DIAPH1: variants seen among roughly 807,000 people sequenced by gnomAD.
The protein encoded by DIAPH1 is diaphanous related formin 1.
In DIAPH1, 46 loss-of-function variants were observed where a neutral mutation model predicts 140.7. The observed-to-expected ratio is 0.33, with a 90% confidence interval of 0.26 to 0.42. The LOEUF is 0.42. Among genes scored for constraint, DIAPH1 ranks in the 10% least tolerant of loss-of-function variants. The pLI, the probability that DIAPH1 is intolerant of heterozygous loss-of-function variation, is 1.00. For synonymous variants in DIAPH1, 565 were observed against 551.6 expected (o/e 1.02, Z -0.34); for missense variants, 1,310 against 1,558.7 (o/e 0.84, Z 2.69).
chr5:141,552,193 GTTT>G (rs199775030), intron 18 of DIAPH1, among the ~76,000 whole-genome samples: 1 of 143,422 alleles, frequency 7.0e-6, no homozygotes, highest in South Asian at 2.2e-4. Context: ...TGTTTTTGTT[GTTT>G]TTTTTTTTTT....
chr5:141,560,244 A>G (rs1208634501), intron 18 of DIAPH1, among the ~76,000 whole-genome samples: 1 of 152,198 alleles, frequency 6.6e-6, no homozygotes, highest in Non-Finnish European at 1.5e-5. Flanking sequence ...TATTTGTTGA[A>G]GAAATCAGGA....
chr5:141,529,054 G>C, intron 21 of DIAPH1, 113 bp from the exon 22 acceptor site: 1 of 1,580,624 alleles, frequency 6.3e-7, no homozygotes, highest in Non-Finnish European at 8.7e-7. Flanking sequence ...GGAGAAGAGA[G>C]AGATTAAGAC....
In DIAPH1 at chr5:141,618,922, T is replaced by G; in HGVS notation, c.-8A>C. 1.4e-6 allele frequency: 2 copies of G among 1,478,066 alleles called. No homozygotes were observed. The highest frequency in any genetic ancestry group is 1.8e-6 in the Non-Finnish European group (2 of 1,108,026). The allele number at this position is 1,478,066 out of a possible 1,614,324, so 91.6% of individuals were successfully genotyped here. A position where few individuals can be genotyped will look rare whatever the true frequency, so the allele number is the denominator to read the frequency against. The stretch of plus-strand genomic sequence containing the variant: ...CCCGCCGGGCGGCTCCATGTCCCGG[T>G]TCACGCTGGCCGGCGACCCCGCGCC... On this transcript the variant is annotated 5_prime_UTR_variant, in exon 1 of 28. Coordinates refer to ENST00000389054, the MANE Select transcript of DIAPH1 (RefSeq NM_005219.5).
intron 1 of DIAPH1, among the ~76,000 whole-genome samples, chr5:141,589,511 CATAAAT>C (rs2099898046): frequency 6.6e-6 from 1 of 151,972 alleles, no homozygotes; most frequent in Non-Finnish European, 1.5e-5. Flanking sequence ...TACAGCTATT[CATAAAT>C]ATAATATTGA....
chr5:141,573,936 A>G lies in DIAPH1; in HGVS notation c.1914T>C (p.Ala638=). ...SSPPSLPGGT[A]ISPPPPLSGD... is the part of the protein sequence containing the mutation. Reference sequence around the variant, plus strand: ...CAGACAAAGGAGGGGGTGGAGAGATAGCAGTACCTCCAGGTAAAGAAGGGG... The same window carrying G: ...CAGACAAAGGAGGGGGTGGAGAGATGGCAGTACCTCCAGGTAAAGAAGGGG... The change falls in exon 16 of 28, where the codon GCT becomes GCC. Residue 638 remains alanine, a synonymous_variant. Transcript: ENST00000389054. 6.4e-7 allele frequency: 1 copy of G among 1,551,232 alleles called. No homozygotes were observed. Among genetic ancestry groups the G allele is most frequent in the Middle Eastern group, 1.7e-4 (1 of 5,928 alleles).
At position 141,565,911 on chromosome 5, in the gene DIAPH1, C is replaced by T. The variant is rs1331669854; in HGVS notation, c.2482+5517G>A. ...GGCCCAGTTTTGTGGTATTCTCCAG[C>T]CATGTTCAGTTGCACAGCTACAGGA... On this transcript the variant is annotated intron_variant, in intron 18 of 27. Transcript: ENST00000389054. The surrounding 1 kb of genome is among the most constrained non-coding windows in gnomAD (Gnocchi z 4.3). 1.3e-5 allele frequency among the ~76,000 whole-genome samples: 2 copies of T among 152,078 alleles called. No homozygotes were observed. The highest frequency in any genetic ancestry group is 4.8e-5 in the African/African-American group (2 of 41,398).
chr5:141,616,378 G>C (rs970421715), intron 1 of DIAPH1, among the ~76,000 whole-genome samples: 1 of 152,184 alleles, frequency 6.6e-6, no homozygotes, highest in African/African-American at 2.4e-5. Context: ...GTCCAAACCA[G>C]TGCAGTTTTA....
intron 1 of DIAPH1, among the ~76,000 whole-genome samples, chr5:141,601,065 C>A (rs184109659): frequency 1.3e-5 from 2 of 151,694 alleles, no homozygotes; most frequent in African/African-American, 4.8e-5. Context: ...CATCACACAC[C>A]GGGGCCTGTT....
chr5:141,525,956 T>C (rs1413916179), intron 26 of DIAPH1, 82 bp downstream of exon 26: 2 of 1,602,088 alleles, frequency 1.2e-6, no homozygotes, highest in African/African-American at 1.3e-5. Flanking sequence ...AGCTCAGACA[T>C]GAGACTCTGC....
intron 18 of DIAPH1, among the ~76,000 whole-genome samples, chr5:141,548,074 T>C (rs999858667): frequency 6.6e-6 from 1 of 151,948 alleles, no homozygotes; most frequent in African/African-American, 2.4e-5. Flanking sequence ...TGGTGCACGC[T>C]TGTAGTCCTA....
intron 18 of DIAPH1, among the ~76,000 whole-genome samples, chr5:141,536,336 A>G (rs1351891076): frequency 6.6e-6 from 1 of 152,116 alleles, no homozygotes; most frequent in Non-Finnish European, 1.5e-5. Context: ...CAGTAGTCCC[A>G]GTTTGAGGAA....
intron 1 of DIAPH1, among the ~76,000 whole-genome samples, chr5:141,612,025 C>T (rs2099901929): frequency 6.6e-6 from 1 of 152,140 alleles, no homozygotes; most frequent in Non-Finnish European, 1.5e-5. Flanking sequence ...CGAGATTATG[C>T]CACTGTACTC....
rs2099885725 is a variant in DIAPH1, at chr5:141,516,672, C to T, written c.*179G>A. On this transcript the variant is annotated 3_prime_UTR_variant, in exon 28 of 28. Coordinates refer to ENST00000389054, the MANE Select transcript of DIAPH1 (RefSeq NM_005219.5). ...CCCTGCACTGCCCTTTCCTTCTGGC[C>T]TCCAGGCAGCTGAAGCTGTATGTGA... The T allele has an allele frequency of 1.4e-6, 1 of 728,304 alleles. No individual in the cohort carries two copies. The highest frequency in any genetic ancestry group is 2.2e-5 in the Admixed American group (1 of 46,072). The allele number at this position is 728,304 out of a possible 1,614,324, so 45.1% of individuals were successfully genotyped here. A position where few individuals can be genotyped will look rare whatever the true frequency, so the allele number is the denominator to read the frequency against.
At chr5:141,597,463 CT>C (rs1482362561) in intron 1 of DIAPH1, among the ~76,000 whole-genome samples, 41 of 152,174 alleles carry the variant, frequency 2.7e-4, no homozygotes, top group African/African-American at 9.7e-4. Flanking sequence ...GACATTTAAG[CT>C]TTAAAAAATC....
chr5:141,613,300 G>A (rs1011882089), intron 1 of DIAPH1, among the ~76,000 whole-genome samples: 3 of 152,172 alleles, frequency 2.0e-5, no homozygotes, highest in African/African-American at 7.2e-5. Flanking sequence ...CTGTTACAGA[G>A]CCAAGCAATA....
intron 18 of DIAPH1, among the ~76,000 whole-genome samples, chr5:141,551,944 G>A (rs1398596230): frequency 6.6e-6 from 1 of 152,086 alleles, no homozygotes; most frequent in Non-Finnish European, 1.5e-5. Context: ...GAAATCACAA[G>A]AGCACCTACC....
At chr5:141,583,708 AT>A (rs1562330624) in intron 4 of DIAPH1, 93 bp from the exon 5 acceptor site, 1 of 1,540,426 alleles carries the variant, frequency 6.5e-7, no homozygotes, top group Non-Finnish European at 8.9e-7. Context: ...CTTTATTTTT[AT>A]TTTTTATTTT....
At chr5:141,608,167 C>A (rs1055077462) in intron 1 of DIAPH1, among the ~76,000 whole-genome samples, 1 of 152,082 alleles carries the variant, frequency 6.6e-6, no homozygotes, top group African/African-American at 2.4e-5. Context: ...TAGCTGGGCC[C>A]GGTGGCCTGT....
intron 18 of DIAPH1, among the ~76,000 whole-genome samples, chr5:141,541,520 T>G (rs994872376): frequency 6.6e-6 from 1 of 151,762 alleles, no homozygotes; most frequent in African/African-American, 2.4e-5. Flanking sequence ...AAAGCCTGTC[T>G]CTACTAAAAA....
Sources: allele counts gnomAD v4.1 joint callset (sites outside exome capture counted in the v4.1 genomes callset), GRCh38; gene constraint gnomAD v4.1.1; non-coding constraint Gnocchi (gnomAD v3.1); transcripts MANE v1.5; gene names NCBI Gene and HGNC (gene_info 2026-07-23, HGNC 2026-07-21).